Variants in DGKQ observed in about 807,000 individuals in gnomAD.
The protein encoded by DGKQ is diacylglycerol kinase theta.
A neutral mutation model predicts 104.2 loss-of-function variants in DGKQ; 97 were observed. That is an observed-to-expected ratio of 0.93 (90% CI 0.79 to 1.10). The LOEUF (loss-of-function observed/expected upper bound fraction) is 1.10, where lower values mean the gene tolerates loss of function less well. Among genes scored for constraint, DGKQ ranks in the 50% least tolerant of loss-of-function variants. The pLI, the probability that DGKQ is intolerant of heterozygous loss-of-function variation, is 0.00. For synonymous variants in DGKQ, 736 were observed against 595.2 expected (o/e 1.24, Z -3.44); for missense variants, 1,465 against 1,352.1 (o/e 1.08, Z -1.31).
intron 2 of DGKQ, 72 bp downstream of exon 2, chr4:970,921 A>G: frequency 8.2e-7 from 1 of 1,222,432 alleles, no homozygotes; most frequent in South Asian, 1.3e-5. Flanking sequence ...GAAGGTTTTC[A>G]GTGCCTCGAC....
chr4:965,942 G>A lies in DGKQ; in HGVS notation c.1565C>T (p.Ala522Val). 1 of 1,603,762 alleles carries A rather than the reference G, an allele frequency of 6.2e-7. No individual in the cohort carries two copies. Among genetic ancestry groups the A allele is most frequent in the Non-Finnish European group, 8.5e-7 (1 of 1,175,536 alleles). Reference sequence around the variant, plus strand: ...AGTGGTCACACCTTTGGTAGCCCCGGCCTCATGCAGCAGGCTGCTGTACTC... The same window carrying A: ...AGTGGTCACACCTTTGGTAGCCCCGACCTCATGCAGCAGGCTGCTGTACTC... Reference protein sequence around the residue: ...PEEYSSLLHEAGATKATVVSV... With the variant: ...PEEYSSLLHEVGATKATVVSV... Residue 522 changes from alanine to valine, a missense_variant, in exon 13 of 23, where the codon GCC becomes GTC. By Grantham distance (64) the Ala-to-Val change is moderately conservative. Coordinates refer to ENST00000273814, the MANE Select transcript of DGKQ (RefSeq NM_001347.4).
chr4:967,296 G>C lies in DGKQ; in HGVS notation c.1053C>G (p.Pro351=). ...AGGCGTCACAGGCCTGAGAGGAAGGGGGCAGCCGGCACAGCTCCAGGTGGC... is the reference window on the plus strand; with the variant it reads ...AGGCGTCACAGGCCTGAGAGGAAGGCGGCAGCCGGCACAGCTCCAGGTGGC... ...DPGHLELCRL[P]PSSQACDAWA... The change falls in exon 9 of 23, where the codon CCC becomes CCG. Residue 351 remains proline (P), a synonymous_variant. Coordinates refer to ENST00000273814, the MANE Select transcript of DGKQ (RefSeq NM_001347.4). 11 of 1,543,760 alleles carry C rather than the reference G, an allele frequency of 7.1e-6. No individual in the cohort carries two copies. Among genetic ancestry groups the C allele is most frequent in the Non-Finnish European group, 9.6e-6 (11 of 1,149,472 alleles).
At chr4:963,637 C>T (rs942793360) in intron 15 of DGKQ, among the ~76,000 whole-genome samples, 1 of 152,252 alleles carries the variant, frequency 6.6e-6, no homozygotes, top group East Asian at 1.9e-4. Flanking sequence ...TGGGACTCTG[C>T]GTGGCACTCT....
chr4:964,998 C>G (rs1055975344), intron 15 of DGKQ, among the ~76,000 whole-genome samples, 178 bp downstream of exon 15: 3 of 152,174 alleles, frequency 2.0e-5, no homozygotes, highest in African/African-American at 7.2e-5. Context: ...GCAACAGAGT[C>G]CTTCCTGCTG....
chr4:966,596 C>T (rs944534755), intron 11 of DGKQ, 69 bp from the exon 12 acceptor site: 2 of 1,535,468 alleles, frequency 1.3e-6, no homozygotes, highest in Non-Finnish European at 1.8e-6. Flanking sequence ...CTGCCCGGAG[C>T]CCCCAGGGCC....
rs1009639766 is a variant in DGKQ at position 968,025 on chromosome 4, C to A, written c.666G>T (p.Ala222=). 1.4e-6 allele frequency: 2 copies of A among 1,423,572 alleles called. No individual in the cohort carries two copies. Among genetic ancestry groups the A allele is most frequent in the Non-Finnish European group, 1.8e-6 (2 of 1,097,346 alleles). 88.2% of individuals were successfully genotyped at this position (1,423,572 alleles called of 1,614,324 possible). The part of the protein sequence containing the change: ...GVRCEWCGVQ[A]HSLCSAALAP... ...CCAGCGCCGCGGAGCAGAGGGAGTG[C>A]GCCTGGGGGGAGAAGGGCCTGAGCT... Residue 222 remains alanine, a splice_region_variant and synonymous_variant, in exon 6 of 23, where the codon GCG becomes GCT. Coordinates refer to ENST00000273814, the MANE Select transcript of DGKQ (RefSeq NM_001347.4).
At position 971,643 on chromosome 4, in the gene DGKQ, G is replaced by C. The variant is rs1243109256; in HGVS notation, c.272-571C>G. 2.0e-5 allele frequency among the ~76,000 whole-genome samples: 3 copies of C among 152,136 alleles called. No individual in the cohort carries two copies. Among genetic ancestry groups the C allele is most frequent in the Non-Finnish European group, 4.4e-5 (3 of 68,016 alleles). On this transcript the variant is annotated intron_variant, in intron 1 of 22. Coordinates refer to ENST00000273814, the MANE Select transcript of DGKQ (RefSeq NM_001347.4). This position sits in a 1 kb window ranked among gnomAD's most constrained non-coding sequence, Gnocchi z 4.0. The stretch of plus-strand genomic sequence containing the variant: ...TGGCTGTGTGCATAGGACCCAGGGA[G>C]CACCTGAGCCGGCGGGGTGCTCAGG...
Position 971,970 on chromosome 4 carries a change from C to G in DGKQ, c.272-898G>C, listed in dbSNP as rs1377213672. On this transcript the variant is annotated intron_variant, in intron 1 of 22. Transcript: ENST00000273814. The surrounding 1 kb of genome is among the most constrained non-coding windows in gnomAD (Gnocchi z 4.0). The stretch of plus-strand genomic sequence containing the variant: ...GACCGGGAGAAGCTTCTCCTGGCAG[C>G]TTAAGAGAAAAGCTCTGGAAGCAGG... Among the ~76,000 whole-genome samples, 2 of 152,056 alleles carry G rather than the reference C, an allele frequency of 1.3e-5. No homozygotes were observed. The highest frequency in any genetic ancestry group is 4.8e-5 in the African/African-American group (2 of 41,412).
rs539600148 is a variant in DGKQ at position 967,205 on chromosome 4, C to T, written c.1144G>A (p.Ala382Thr). 7.3e-5 allele frequency: 116 copies of T among 1,589,458 alleles called. No homozygotes were observed. The East Asian group carries it at 2.5e-3, about 34-fold the overall frequency. Residue 382 changes from alanine to threonine, a missense_variant, in exon 9 of 23, where the codon GCC (alanine) becomes ACC (threonine). Coordinates refer to ENST00000273814, the MANE Select transcript of DGKQ (RefSeq NM_001347.4). ...EEGRSPGSGE[A>T]TPEAWVIRAL... ...CGGATGACCCAGGCCTCTGGCGTGG[C>T]CTCGCCGGACCCGGGGCTTCTGCCC...
chr4:966,692 G>A, intron 11 of DGKQ, 56 bp downstream of exon 11: 1 of 1,563,850 alleles, frequency 6.4e-7, no homozygotes, highest in Non-Finnish European at 8.7e-7. Context: ...CTGGGCAGCA[G>A]GTCCAAACCC....
rs1372874994 is a variant in DGKQ, at chr4:958,904, G to A, written c.*1716C>T. ...AGAGATGGTAGGATAGTGACGCCCA[G>A]ACTGTATTTGTCCTGGATATAAATT... On this transcript the variant is annotated 3_prime_UTR_variant, in exon 23 of 23. Coordinates refer to ENST00000273814, the MANE Select transcript of DGKQ (RefSeq NM_001347.4). 1.9e-5 allele frequency: 4 copies of A among 214,990 alleles called. No homozygotes were observed. Among genetic ancestry groups the A allele is most frequent in the Non-Finnish European group, 3.6e-5 (4 of 109,624 alleles). The allele number at this position is 214,990 out of a possible 1,614,324, so 13.3% of individuals were successfully genotyped here.
In DGKQ at chr4:966,031, G is replaced by A. The variant is rs1236315684; in HGVS notation, c.1476C>T (p.Ser492=). ...VSQTRFYVAE[S]RDVAPHVSLF... ...GGGAGACGTGCGGGGCTACATCCCT[G>A]CTCTCTGCCACGTAGAACCGCGTCT... The change falls in exon 13 of 23, where the codon AGC becomes AGT. Residue 492 remains serine (S), a synonymous_variant. Coordinates refer to ENST00000273814, the MANE Select transcript of DGKQ (RefSeq NM_001347.4). 6.2e-7 allele frequency: 1 copy of A among 1,604,658 alleles called. No individual in the cohort carries two copies. The highest frequency in any genetic ancestry group is 8.5e-7 in the Non-Finnish European group (1 of 1,176,694).
intron 16 of DGKQ, 68 bp from the exon 17 acceptor site, chr4:962,988 T>G: frequency 6.5e-7 from 1 of 1,544,654 alleles, no homozygotes; most frequent in African/African-American, 1.4e-5. Flanking sequence ...AGGCTGCCTC[T>G]TCCAAGTGCC....
Position 960,413 on chromosome 4 carries a change from G to T in DGKQ, c.*207C>A. On this transcript the variant is annotated 3_prime_UTR_variant, in exon 23 of 23. Coordinates refer to ENST00000273814, the MANE Select transcript of DGKQ (RefSeq NM_001347.4). ...GCCACCCGCACACCAGTCTCCAGTG[G>T]GATGAGGGCTGTGACACCAACATGT... 1 of 592,066 alleles carries T rather than the reference G, an allele frequency of 1.7e-6. No individual in the cohort carries two copies. The highest frequency in any genetic ancestry group is 1.9e-5 in the African/African-American group (1 of 53,974). 36.7% of individuals were successfully genotyped at this position (592,066 alleles called of 1,614,324 possible). A position where few individuals can be genotyped will look rare whatever the true frequency, so the allele number is the denominator to read the frequency against.
At position 960,441 on chromosome 4, in the gene DGKQ, C is replaced by T; in HGVS notation, c.*179G>A. ...TGAGGGCTGTGACACCAACATGTGT[C>T]ACCAATGGGATGAGGGCGGGTCCCG... is the stretch of plus-strand genomic sequence containing the variant. On this transcript the variant is annotated 3_prime_UTR_variant, in exon 23 of 23. Coordinates refer to ENST00000273814, the MANE Select transcript of DGKQ (RefSeq NM_001347.4). 1 of 610,682 alleles carries T rather than the reference C, an allele frequency of 1.6e-6. No individual in the cohort carries two copies. The highest frequency in any genetic ancestry group is 2.9e-6 in the Non-Finnish European group (1 of 342,520). 37.8% of individuals were successfully genotyped at this position (610,682 alleles called of 1,614,324 possible).
Position 959,251 on chromosome 4 carries a change from A to C in DGKQ, c.*1369T>G, listed in dbSNP as rs1002657131. The C allele has an allele frequency of 1.3e-5, 2 of 152,634 alleles. No homozygotes were observed. The highest frequency in any genetic ancestry group is 4.8e-5 in the African/African-American group (2 of 41,462). 9.5% of individuals were successfully genotyped at this position (152,634 alleles called of 1,614,324 possible). On this transcript the variant is annotated 3_prime_UTR_variant, in exon 23 of 23. Coordinates refer to ENST00000273814, the MANE Select transcript of DGKQ (RefSeq NM_001347.4). ...CCAGGAGGCTGCAGCAGGCTGGGCCAGGCCACACTCCTGAGGCCAAACCAG... is the reference window on the plus strand; with the variant it reads ...CCAGGAGGCTGCAGCAGGCTGGGCCCGGCCACACTCCTGAGGCCAAACCAG...
rs550311279 is a variant in DGKQ at position 961,223 on chromosome 4, G to A, written c.2575-22C>T. The stretch of plus-strand genomic sequence containing the variant: ...GGCCCTGGGGCGGGAGAGGCCAGCC[G>A]GGCTCAGCGGGGATCAGGGACGCCC... On this transcript the variant is annotated intron_variant, in intron 21 of 22. Coordinates refer to ENST00000273814, the MANE Select transcript of DGKQ (RefSeq NM_001347.4). The A allele has an allele frequency of 2.1e-4, 315 of 1,516,528 alleles. 8 individuals are homozygous for A. The South Asian group carries it at 3.5e-3, about 17-fold the overall frequency. 93.9% of individuals were successfully genotyped at this position (1,516,528 alleles called of 1,614,324 possible). A position where few individuals can be genotyped will look rare whatever the true frequency, so the allele number is the denominator to read the frequency against.
chr4:966,076 C>T lies in DGKQ; in HGVS notation c.1431G>A (p.Met477Ile), dbSNP rs1234505555. The T allele has an allele frequency of 1.9e-6, 3 of 1,597,830 alleles. No homozygotes were observed. Among genetic ancestry groups the T allele is most frequent in the African/African-American group, 1.3e-5 (1 of 74,808 alleles). Residue 477 changes from methionine (M) to isoleucine (I), a missense_variant and splice_region_variant, in exon 13 of 23, where the codon ATG becomes ATA. Met to Ile is a conservative substitution (Grantham distance 10, BLOSUM62 1). Coordinates refer to ENST00000273814, the MANE Select transcript of DGKQ (RefSeq NM_001347.4). ...LLDRLQDIRQ[M>I]SVRQVSQTRF... ...GCGTCTGGCTCACCTGCCGCACAGA[C>T]ATCTGCAGGGAGAGGGGCGGGGATG... is the stretch of plus-strand genomic sequence containing the variant.
chr4:963,895 C>G (rs1712083883), intron 15 of DGKQ, among the ~76,000 whole-genome samples: 1 of 152,168 alleles, frequency 6.6e-6, no homozygotes, highest in Non-Finnish European at 1.5e-5. Flanking sequence ...GGCTAGGGAC[C>G]CTACGACAGG....
Sources: allele counts gnomAD v4.1 joint callset (sites outside exome capture counted in the v4.1 genomes callset), GRCh38; gene constraint gnomAD v4.1.1; non-coding constraint Gnocchi (gnomAD v3.1); transcripts MANE v1.5; gene names NCBI Gene and HGNC (gene_info 2026-07-23, HGNC 2026-07-21).